The following SPIDR variants were observed in gnomAD, a reference collection of about 807,000 sequenced individuals.
The protein encoded by SPIDR is DNA repair-scaffolding protein.
In SPIDR, 93 loss-of-function variants were observed where a neutral mutation model predicts 104.6. The observed-to-expected ratio is 0.89, with a 90% CI of 0.75 to 1.06. The LOEUF (loss-of-function observed/expected upper bound fraction) is 1.06, where lower values mean the gene tolerates loss of function less well. Ranked by LOEUF, SPIDR falls within the 50% of genes least tolerant of loss-of-function variation. SPIDR has a pLI of 0.00. For missense variants in SPIDR, 1,154 were observed against 1,111.2 expected, an observed-to-expected ratio of 1.04 and a Z score of -0.55; for synonymous variants, 431 against 416.9, an observed-to-expected ratio of 1.03 and a Z score of -0.41.
chr8:47,367,896 G>A (rs2057428563), intron 5 of SPIDR, among the ~76,000 whole-genome samples: 1 of 152,238 alleles, frequency 6.6e-6, no homozygotes, highest in African/African-American at 2.4e-5. Flanking sequence ...TATAGGAACA[G>A]TGATTCAAAG....
intron 10 of SPIDR, among the ~76,000 whole-genome samples, chr8:47,600,232 C>G (rs529950727): frequency 6.6e-6 from 1 of 152,104 alleles, no homozygotes; most frequent in Admixed American, 6.5e-5. Context: ...TCATCCTGGC[C>G]GGGCATGGTT....
chr8:47,363,485 A>C (rs1587717857), intron 5 of SPIDR, among the ~76,000 whole-genome samples: 1 of 134,240 alleles, frequency 7.4e-6, no homozygotes, highest in Admixed American at 8.4e-5. Flanking sequence ...GTGAGCTACC[A>C]CGCCCAACCT....
chr8:47,668,786 G>A (rs939274585), intron 10 of SPIDR, among the ~76,000 whole-genome samples: 2 of 152,012 alleles, frequency 1.3e-5, no homozygotes, highest in Non-Finnish European at 2.9e-5. Flanking sequence ...CAATATACAA[G>A]GCCATTGTAT....
At chr8:47,733,591 G>T (rs1206470667) in intron 19 of SPIDR, among the ~76,000 whole-genome samples, 3 of 152,070 alleles carry the variant, frequency 2.0e-5, no homozygotes, top group African/African-American at 7.2e-5. Flanking sequence ...GGTGTCCAGC[G>T]CATATGCCGC....
chr8:47,381,972 A>T (rs1554645662), intron 5 of SPIDR, among the ~76,000 whole-genome samples: 1 of 152,234 alleles, frequency 6.6e-6, no homozygotes, highest in African/African-American at 2.4e-5. Context: ...TAATTTTAAA[A>T]TAAGGATGTG....
chr8:47,719,275 G>A (rs768454043), intron 16 of SPIDR, among the ~76,000 whole-genome samples: 2 of 152,162 alleles, frequency 1.3e-5, no homozygotes, highest in African/African-American at 2.4e-5. Flanking sequence ...TGGGGAGGCC[G>A]AGGCAGGCGG....
chr8:47,341,713 AAC>A (rs1269439446), intron 5 of SPIDR, among the ~76,000 whole-genome samples: 1 of 152,210 alleles, frequency 6.6e-6, no homozygotes, highest in African/African-American at 2.4e-5. Flanking sequence ...AGCCACTAGT[AAC>A]ATTTGTCGCT....
At chr8:47,343,600 C>T (rs1463545514) in intron 5 of SPIDR, among the ~76,000 whole-genome samples, 4 of 152,154 alleles carry the variant, frequency 2.6e-5, no homozygotes, top group East Asian at 3.9e-4. Flanking sequence ...GTCTCATCTG[C>T]GTGTGCTTCA....
chr8:47,487,316 A>C (rs1366972956), intron 8 of SPIDR, among the ~76,000 whole-genome samples: 1 of 152,234 alleles, frequency 6.6e-6, no homozygotes, highest in Non-Finnish European at 1.5e-5. Flanking sequence ...TAACCTAAAT[A>C]TATATGCACC....
At chr8:47,470,818 T>C (rs1201776988) in intron 8 of SPIDR, among the ~76,000 whole-genome samples, 3 of 151,850 alleles carry the variant, frequency 2.0e-5, no homozygotes, top group Non-Finnish European at 4.4e-5. Flanking sequence ...CACTGCAAGC[T>C]CTGCCTCCTG....
At chr8:47,611,132 G>A (rs1004982410) in intron 10 of SPIDR, among the ~76,000 whole-genome samples, 2 of 152,178 alleles carry the variant, frequency 1.3e-5, no homozygotes, top group African/African-American at 4.8e-5. Flanking sequence ...CTCTTCTCAG[G>A]ATGAACCAGT....
In SPIDR at chr8:47,482,291, C is replaced by T. The variant is rs912298320; in HGVS notation, c.1097+41749C>T. On this transcript the variant is annotated intron_variant, in intron 8 of 19. Coordinates refer to ENST00000297423, the MANE Select transcript of SPIDR (RefSeq NM_001080394.4). ...ATCCCAGCACTTTGGGAGGCTGAGC[C>T]GAGCATAGTGGGGTGTGCCTATAGT... Among the ~76,000 whole-genome samples the T allele has an allele frequency of 2.3e-4, 35 of 152,080 alleles. 1 individual carries two copies. Among genetic ancestry groups the T allele is most frequent in the Admixed American group, 2.2e-3 (34 of 15,248 alleles).
chr8:47,661,385 T>C (rs1186408197), intron 10 of SPIDR, among the ~76,000 whole-genome samples: 2 of 152,260 alleles, frequency 1.3e-5, no homozygotes, highest in African/African-American at 4.8e-5. Context: ...AGAAGTCGCC[T>C]GCAGCCCAAG....
At chr8:47,392,891 T>C (rs1554653324) in intron 5 of SPIDR, among the ~76,000 whole-genome samples, 1 of 152,258 alleles carries the variant, frequency 6.6e-6, no homozygotes, top group Non-Finnish European at 1.5e-5. Context: ...CATGGATTTA[T>C]TGTATCTGTA....
At chr8:47,625,488 C>T (rs1419071860) in intron 10 of SPIDR, among the ~76,000 whole-genome samples, 1 of 152,178 alleles carries the variant, frequency 6.6e-6, no homozygotes, top group Non-Finnish European at 1.5e-5. Flanking sequence ...CTAGAAAACC[C>T]CATTGTTTCA....
At chr8:47,322,179 T>C (rs1554596440) in intron 5 of SPIDR, among the ~76,000 whole-genome samples, 1 of 151,998 alleles carries the variant, frequency 6.6e-6, no homozygotes, top group Non-Finnish European at 1.5e-5. Context: ...GGGAGAAAAT[T>C]TTTACAGTCT....
At chr8:47,694,552 T>G (rs1240568142) in intron 11 of SPIDR, among the ~76,000 whole-genome samples, 5 of 152,194 alleles carry the variant, frequency 3.3e-5, no homozygotes, top group Non-Finnish European at 5.9e-5. Context: ...GAGGATCACT[T>G]GAGGCCAAAC....
intron 8 of SPIDR, among the ~76,000 whole-genome samples, chr8:47,525,020 T>A (rs1281938483): frequency 6.6e-6 from 1 of 152,194 alleles, no homozygotes; most frequent in African/African-American, 2.4e-5. Context: ...ACACACCCTG[T>A]TTTGAATTGG....
At chr8:47,525,255 A>G (rs1414934343) in intron 8 of SPIDR, among the ~76,000 whole-genome samples, 3 of 152,226 alleles carry the variant, frequency 2.0e-5, no homozygotes, top group South Asian at 2.1e-4. Flanking sequence ...GTTCATTTAC[A>G]TGTTGTGCCA....
Sources: allele counts gnomAD v4.1 joint callset (sites outside exome capture counted in the v4.1 genomes callset), GRCh38; gene constraint gnomAD v4.1.1; transcripts MANE v1.5; gene names NCBI Gene and HGNC (gene_info 2026-07-23, HGNC 2026-07-21).